Variants in RIMS2 observed in about 807,000 individuals in gnomAD.
The protein encoded by RIMS2 is regulating synaptic membrane exocytosis 2.
A neutral mutation model predicts 174.4 loss-of-function variants in RIMS2; 59 were observed. The observed-to-expected ratio is 0.34, with a 90% CI of 0.27 to 0.42. RIMS2 has a LOEUF of 0.42. RIMS2 is among the 10% of genes least tolerant of loss of function. RIMS2 has a pLI of 1.00. For synonymous variants in RIMS2, 606 were observed against 572.5 expected (o/e 1.06, Z -0.84); for missense variants, 1,620 against 1,666.3 (o/e 0.97, Z 0.48).
intron 17 of RIMS2, among the ~76,000 whole-genome samples, chr8:104,005,837 A>G (rs1398963793): frequency 6.6e-6 from 1 of 152,060 alleles, no homozygotes; most frequent in Non-Finnish European, 1.5e-5. Context: ...GGGTAACATA[A>G]CTAGAACCCT....
At chr8:103,740,612 G>T (rs534092381) in intron 2 of RIMS2, among the ~76,000 whole-genome samples, 6 of 152,084 alleles carry the variant, frequency 3.9e-5, no homozygotes, top group African/African-American at 1.4e-4. Flanking sequence ...CTTTGAATCC[G>T]TAATTTAATT....
At chr8:103,793,740 G>T (rs1033442123) in intron 3 of RIMS2, among the ~76,000 whole-genome samples, 1 of 151,880 alleles carries the variant, frequency 6.6e-6, no homozygotes, top group African/African-American at 2.4e-5. Flanking sequence ...AAAGTCTCAG[G>T]GTACAAAATC....
At chr8:103,778,959 T>C (rs1187290451) in intron 3 of RIMS2, among the ~76,000 whole-genome samples, 1 of 152,192 alleles carries the variant, frequency 6.6e-6, no homozygotes, top group South Asian at 2.1e-4. Context: ...GGTGAGAAGA[T>C]ATCTCATTGT....
chr8:104,016,175 A>G (rs2095897866), intron 19 of RIMS2, among the ~76,000 whole-genome samples: 1 of 152,078 alleles, frequency 6.6e-6, no homozygotes. Context: ...TCTCTAGCAC[A>G]TAGAATAATG....
At chr8:103,637,745 T>C (rs1480024756) in intron 1 of RIMS2, among the ~76,000 whole-genome samples, 1 of 152,224 alleles carries the variant, frequency 6.6e-6, no homozygotes, top group Non-Finnish European at 1.5e-5. Context: ...TACTATTAAA[T>C]AACTGTAGGA....
At chr8:104,132,806 C>A (rs113860212) in intron 19 of RIMS2, among the ~76,000 whole-genome samples, 1 of 152,110 alleles carries the variant, frequency 6.6e-6, no homozygotes, top group African/African-American at 2.4e-5. Flanking sequence ...TATTTTTTCA[C>A]GTGGCATGTA....
intron 19 of RIMS2, among the ~76,000 whole-genome samples, chr8:104,185,483 A>G (rs1305607852): frequency 1.3e-5 from 2 of 151,686 alleles, no homozygotes; most frequent in African/African-American, 4.8e-5. Flanking sequence ...TAATGCAAAT[A>G]GTAAACATTA....
At chr8:103,563,655 T>C (rs1378918584) in intron 1 of RIMS2, among the ~76,000 whole-genome samples, 1 of 152,222 alleles carries the variant, frequency 6.6e-6, no homozygotes, top group Non-Finnish European at 1.5e-5. Flanking sequence ...TTCCACTTTT[T>C]TGTGTATCTT....
At chr8:104,133,191 C>G (rs939175513) in intron 19 of RIMS2, among the ~76,000 whole-genome samples, 17 of 152,140 alleles carry the variant, frequency 1.1e-4, no homozygotes, top group African/African-American at 3.9e-4. Flanking sequence ...GGGTACGTAA[C>G]ATGTGAAGCT....
chr8:103,613,640 C>T (rs547010694), intron 1 of RIMS2, among the ~76,000 whole-genome samples: 98 of 152,252 alleles, frequency 6.4e-4, no homozygotes, highest in African/African-American at 2.2e-3. Context: ...CTATAGCCAC[C>T]GCAGCTGGGA....
At chr8:103,754,995 C>T (rs10097302) in intron 2 of RIMS2, among the ~76,000 whole-genome samples, 10,000 of 152,058 alleles carry the variant, frequency 0.066, 377 homozygotes, top group Non-Finnish European at 0.079. Context: ...TTATTTTGCC[C>T]GTTAGTTTAT....
intron 3 of RIMS2, among the ~76,000 whole-genome samples, chr8:103,769,653 G>A (rs1482119799): frequency 6.6e-6 from 1 of 152,146 alleles, no homozygotes; most frequent in Non-Finnish European, 1.5e-5. Context: ...GAAGAAGGTG[G>A]TAATGAGAAC....
At chr8:103,816,474 G>A (rs1055976381) in intron 3 of RIMS2, among the ~76,000 whole-genome samples, 1 of 152,186 alleles carries the variant, frequency 6.6e-6, no homozygotes, top group African/African-American at 2.4e-5. Context: ...GGAATTGAGG[G>A]TGAAAGATAT....
At chr8:103,568,926 C>G in intron 1 of RIMS2, 2 of 859,438 alleles carry the variant, frequency 2.3e-6, no homozygotes, top group South Asian at 2.7e-5. Context: ...AGTGGCATTG[C>G]AAAACTGATC....
At chr8:103,576,996 A>T (rs1402822322) in intron 1 of RIMS2, among the ~76,000 whole-genome samples, 1 of 152,212 alleles carries the variant, frequency 6.6e-6, no homozygotes, top group African/African-American at 2.4e-5. Context: ...AGACAATAAC[A>T]TTCAGGACAT....
chr8:103,998,826 C>T (rs1482201681), intron 17 of RIMS2, among the ~76,000 whole-genome samples: 1 of 151,682 alleles, frequency 6.6e-6, no homozygotes, highest in Non-Finnish European at 1.5e-5. Context: ...TTTCTCTTTC[C>T]AAAGTGGGAA....
At chr8:103,783,536 T>C (rs1329863152) in intron 3 of RIMS2, among the ~76,000 whole-genome samples, 1 of 151,892 alleles carries the variant, frequency 6.6e-6, no homozygotes, top group African/African-American at 2.4e-5. Context: ...TTTTTTGTTC[T>C]TGCGATAGTT....
chr8:103,885,838 A>G (rs764676443), exon 4 of RIMS2: 1 of 1,612,920 alleles, frequency 6.2e-7, no homozygotes, highest in Non-Finnish European at 8.5e-7. Flanking sequence ...ATTCAATGGA[A>G]AGAACTCGAG....
chr8:104,056,807 C>G (rs958812169), intron 19 of RIMS2, among the ~76,000 whole-genome samples: 1 of 152,114 alleles, frequency 6.6e-6, no homozygotes, highest in Non-Finnish European at 1.5e-5. Context: ...ATCACTTAAG[C>G]CTGAGAGGTA....
Sources: gnomAD v4.1 joint callset for allele counts (sites outside exome capture counted in the v4.1 genomes callset) on GRCh38, gnomAD v4.1.1 for gene constraint, MANE v1.5 for transcripts, NCBI Gene and HGNC (gene_info 2026-07-23, HGNC 2026-07-21) for gene names.